Variants in ASIC2 observed in about 807,000 individuals in gnomAD.
ASIC2 encodes acid sensing ion channel subunit 2.
In ASIC2, 25 loss-of-function variants were observed where a neutral mutation model predicts 57.3. The observed-to-expected ratio is 0.44, with a 90% CI of 0.32 to 0.61. ASIC2 has a LOEUF of 0.61. Ranked by LOEUF, ASIC2 falls within the 20% of genes least tolerant of loss-of-function variation. The pLI, the probability that ASIC2 is intolerant of heterozygous loss-of-function variation, is 0.06. For missense variants in ASIC2, 641 were observed against 738.1 expected (o/e 0.87, Z 1.52); for synonymous variants, 319 against 307.5 (o/e 1.04, Z -0.39).
chr17:33,136,482 C>T (rs2142012640), intron 1 of ASIC2, among the ~76,000 whole-genome samples: 1 of 152,352 alleles, frequency 6.6e-6, no homozygotes, highest in African/African-American at 2.4e-5. Flanking sequence ...AATCAAGTCT[C>T]TTCTGTGTGC....
At chr17:33,783,108 T>C (rs1369217393) in intron 1 of ASIC2, among the ~76,000 whole-genome samples, 2 of 152,166 alleles carry the variant, frequency 1.3e-5, no homozygotes, top group Non-Finnish European at 1.5e-5. Flanking sequence ...TCACTTTCCA[T>C]CACCACACTG....
intron 1 of ASIC2, among the ~76,000 whole-genome samples, chr17:33,204,313 C>T (rs543588660): frequency 6.6e-6 from 1 of 152,232 alleles, no homozygotes; most frequent in Non-Finnish European, 1.5e-5. Context: ...TACCTGCAGG[C>T]TCAGCCCATG....
chr17:33,697,268 T>A (rs937700999), intron 1 of ASIC2, among the ~76,000 whole-genome samples: 2 of 152,186 alleles, frequency 1.3e-5, no homozygotes, highest in Admixed American at 6.5e-5. Context: ...AGGTATCTCT[T>A]TATAGCAATG....
chr17:33,785,241 A>G (rs1293228262), intron 1 of ASIC2, among the ~76,000 whole-genome samples: 1 of 152,176 alleles, frequency 6.6e-6, no homozygotes, highest in Admixed American at 6.5e-5. Context: ...TCTACAAGCC[A>G]AGAAGAGAGG....
intron 1 of ASIC2, among the ~76,000 whole-genome samples, chr17:34,148,436 G>A (rs16969267): frequency 2.0e-5 from 3 of 152,166 alleles, no homozygotes; most frequent in Non-Finnish European, 4.4e-5. Flanking sequence ...GCTTGACAAA[G>A]GTTGCCCCCA....
intron 1 of ASIC2, among the ~76,000 whole-genome samples, chr17:33,547,597 G>A (rs1388661069): frequency 4.6e-5 from 7 of 152,062 alleles, no homozygotes; most frequent in African/African-American, 1.7e-4. Flanking sequence ...TGGACCTATG[G>A]ATAGTCGCCC....
chr17:33,889,829 T>C (rs1914920882), intron 1 of ASIC2, among the ~76,000 whole-genome samples: 1 of 152,172 alleles, frequency 6.6e-6, no homozygotes, highest in Admixed American at 6.6e-5. Flanking sequence ...ACCCTGAGGA[T>C]GCAAAAGTCA....
At chr17:33,702,045 G>A (rs917583625) in intron 1 of ASIC2, among the ~76,000 whole-genome samples, 1 of 152,192 alleles carries the variant, frequency 6.6e-6, no homozygotes, top group Non-Finnish European at 1.5e-5. Flanking sequence ...GGATAACAGG[G>A]CTCATTCTGG....
At chr17:33,821,114 G>T (rs932720538) in intron 1 of ASIC2, among the ~76,000 whole-genome samples, 2 of 152,178 alleles carry the variant, frequency 1.3e-5, no homozygotes, top group Non-Finnish European at 2.9e-5. Flanking sequence ...GGACCTTGTG[G>T]GAAGATGTGG....
intron 1 of ASIC2, among the ~76,000 whole-genome samples, chr17:33,396,549 G>C (rs1910085119): frequency 6.6e-6 from 1 of 152,116 alleles, no homozygotes; most frequent in South Asian, 2.1e-4. Flanking sequence ...GCTGGGCTGG[G>C]ACCTAGGTCT....
chr17:33,807,054 A>G (rs1255096641), intron 1 of ASIC2, among the ~76,000 whole-genome samples: 1 of 152,112 alleles, frequency 6.6e-6, no homozygotes, highest in Non-Finnish European at 1.5e-5. Flanking sequence ...GGCAGAAGGG[A>G]ACCACAGCCA....
At chr17:34,150,917 G>C (rs759128302) in intron 1 of ASIC2, among the ~76,000 whole-genome samples, 2 of 151,952 alleles carry the variant, frequency 1.3e-5, no homozygotes, top group African/African-American at 4.8e-5. Flanking sequence ...GTACGAGACC[G>C]GCCTGGCCAA....
chr17:33,097,764 G>T (rs1243216080), intron 2 of ASIC2, among the ~76,000 whole-genome samples: 1 of 152,252 alleles, frequency 6.6e-6, no homozygotes, highest in African/African-American at 2.4e-5. Context: ...CTCAGTGAGT[G>T]TGGGACAGCG....
At chr17:33,238,778 G>A (rs970732145) in intron 1 of ASIC2, among the ~76,000 whole-genome samples, 20 of 152,166 alleles carry the variant, frequency 1.3e-4, no homozygotes, top group African/African-American at 4.8e-4. Flanking sequence ...GCTCATGCCT[G>A]TAATCACTTG....
At chr17:33,389,588 G>A (rs1909816909) in intron 1 of ASIC2, among the ~76,000 whole-genome samples, 1 of 152,196 alleles carries the variant, frequency 6.6e-6, no homozygotes, top group South Asian at 2.1e-4. Flanking sequence ...GATGAGTGAG[G>A]CTGGGTAGGA....
intron 1 of ASIC2, among the ~76,000 whole-genome samples, chr17:33,415,863 T>A (rs1453392224): frequency 6.6e-6 from 1 of 152,214 alleles, no homozygotes; most frequent in Non-Finnish European, 1.5e-5. Context: ...CCCAGGATAC[T>A]TGAGGAGAAG....
rs564537399 is a variant in ASIC2, at chr17:33,532,095, T to C, written c.556-420028A>G. 3.3e-4 allele frequency among the ~76,000 whole-genome samples: 50 copies of C among 152,238 alleles called. No individual in the cohort carries two copies. The South Asian group carries it at 0.01, about 31-fold the overall frequency. On this transcript the variant is annotated intron_variant, in intron 1 of 9. Transcript: ENST00000359872. Reference sequence around the variant, plus strand: ...GGTCTGTGTCTGTGGCTGGATGCAGTGAGAGGAGCCAGAACCAACACCCAG... The same window carrying C: ...GGTCTGTGTCTGTGGCTGGATGCAGCGAGAGGAGCCAGAACCAACACCCAG...
intron 1 of ASIC2, among the ~76,000 whole-genome samples, chr17:33,213,071 T>C (rs904238003): frequency 6.6e-6 from 1 of 152,222 alleles, no homozygotes; most frequent in Non-Finnish European, 1.5e-5. Context: ...TAAAAGAGCA[T>C]CCAAAACACA....
At chr17:33,409,177 T>C (rs976405562) in intron 1 of ASIC2, among the ~76,000 whole-genome samples, 4 of 152,190 alleles carry the variant, frequency 2.6e-5, no homozygotes, top group Non-Finnish European at 5.9e-5. Context: ...ATCATGCCAC[T>C]GCACTCCAGC....
Sources: gnomAD v4.1 joint callset for allele counts (sites outside exome capture counted in the v4.1 genomes callset) on GRCh38, gnomAD v4.1.1 for gene constraint, MANE v1.5 for transcripts, NCBI Gene and HGNC (gene_info 2026-07-23, HGNC 2026-07-21) for gene names.